Variants in ODF2 observed in about 807,000 individuals in gnomAD.
ODF2 encodes outer dense fiber protein 2.
Under a neutral mutation model 110.2 loss-of-function variants are expected in ODF2, and 47 were observed. That is an observed-to-expected ratio of 0.43 (90% confidence interval 0.34 to 0.54). The LOEUF (loss-of-function observed/expected upper bound fraction) is 0.54. Among genes scored for constraint, ODF2 ranks in the 20% least tolerant of loss-of-function variants. ODF2 has a pLI of 0.03. For missense variants in ODF2, 812 were observed against 1,054.5 expected, an observed-to-expected ratio of 0.77 and a Z score of 3.19; for synonymous variants, 352 against 397.7, an observed-to-expected ratio of 0.89 and a Z score of 1.37.
chr9:128,499,226 T>TAAAACC, intron 20 of ODF2, 100 bp downstream of exon 20: 1 of 1,402,556 alleles, frequency 7.1e-7, no homozygotes, highest in Non-Finnish European at 9.8e-7. Flanking sequence ...TTTTTGTGAA[T>TAAAACC]ATGACATGGT....
intron 17 of ODF2, among the ~76,000 whole-genome samples, chr9:128,495,402 G>A (rs183080241): frequency 1.1e-4 from 17 of 152,328 alleles, no homozygotes; most frequent in Admixed American, 7.2e-4. Flanking sequence ...CCATCACAGA[G>A]CTAGTACCTA....
chr9:128,475,008 A>G (rs1840954620), intron 8 of ODF2, among the ~76,000 whole-genome samples: 1 of 152,272 alleles, frequency 6.6e-6, no homozygotes, highest in Non-Finnish European at 1.5e-5. Context: ...TAGCAAATAT[A>G]GTCGACCCTC....
chr9:128,468,962 G>T, intron 4 of ODF2: 1 of 530,984 alleles, frequency 1.9e-6, no homozygotes, highest in Non-Finnish European at 3.3e-6. Flanking sequence ...TAACATTGTA[G>T]CCCAAGCTTT....
At chr9:128,493,118 C>T (rs900494323) in intron 16 of ODF2, among the ~76,000 whole-genome samples, 1 of 151,800 alleles carries the variant, frequency 6.6e-6, no homozygotes, top group South Asian at 2.1e-4. Flanking sequence ...GGCACGGTCT[C>T]TCACACCTGT....
At position 128,473,606 on chromosome 9, in the gene ODF2, C is replaced by T; in HGVS notation, c.712-4C>T. 1.3e-5 allele frequency: 21 copies of T among 1,613,244 alleles called. No homozygotes were observed. The highest frequency in any genetic ancestry group is 1.7e-5 in the Non-Finnish European group (20 of 1,179,652). ...ATCTGTAAGACTGGCTACTTGTCTT[C>T]CAGGAGAAACAAATGACCTGCACGG... On this transcript the variant is annotated splice_polypyrimidine_tract_variant and splice_region_variant and intron_variant, in intron 7 of 20. Transcript: ENST00000604420.
rs1232203414 is a variant in ODF2, at chr9:128,498,881, C to T, written c.2176-120C>T. On this transcript the variant is annotated intron_variant, in intron 19 of 20. Coordinates refer to ENST00000604420, the Ensembl canonical transcript of ODF2. The stretch of plus-strand genomic sequence containing the variant: ...TCCTGCCCCAGCGTTCTAGAGAACA[C>T]AGTCCACAATGATGTGCAAGTGCTG... The T allele has an allele frequency of 5.2e-5, 69 of 1,330,904 alleles. 1 individual carries two copies. The highest frequency in any genetic ancestry group is 2.2e-4 in the Middle Eastern group (1 of 4,622). 82.4% of individuals were successfully genotyped at this position (1,330,904 alleles called of 1,614,324 possible).
At chr9:128,469,591 T>A in intron 5 of ODF2, 1 of 523,850 alleles carries the variant, frequency 1.9e-6, no homozygotes. Flanking sequence ...ACATGGGTGG[T>A]CCAATTTGAA....
In ODF2 at chr9:128,477,698, C is replaced by T. The variant is rs1242966421; in HGVS notation, c.844-3882C>T. 2.2e-4 allele frequency among the ~76,000 whole-genome samples: 34 copies of T among 151,502 alleles called. No homozygotes were observed. The South Asian group carries it at 5.8e-3, about 26-fold the overall frequency. On this transcript the variant is annotated intron_variant, in intron 8 of 20. Coordinates refer to ENST00000604420, the Ensembl canonical transcript of ODF2. Reference sequence around the variant, plus strand: ...TCAGCTCACTGCAACCTTCCCCTCACGGGTTCAAGAGATTCTCCTGCCTCA... The same window carrying T: ...TCAGCTCACTGCAACCTTCCCCTCATGGGTTCAAGAGATTCTCCTGCCTCA...
rs4268218 is a variant in ODF2, at chr9:128,485,843, G to A, written c.1400+369G>A. Among the ~76,000 whole-genome samples the A allele has an allele frequency of 0.29, 43,368 of 151,946 alleles. 7,249 individuals carry two copies. The highest frequency in any genetic ancestry group is 0.46 in the African/African-American group (18,876 of 41,400). On this transcript the variant is annotated intron_variant, in intron 13 of 20. Transcript: ENST00000604420. The surrounding 1 kb of genome is among the most constrained non-coding windows in gnomAD (Gnocchi z 5.0). The stretch of plus-strand genomic sequence containing the variant: ...TGGGGAATGGGGCAGATGGTGACCC[G>A]AGTGTCTTCTCTCTGTTGTCTGTCC...
At chr9:128,487,907 T>C in exon 14 of ODF2, 1 of 1,614,032 alleles carries the variant, frequency 6.2e-7, no homozygotes, top group Non-Finnish European at 8.5e-7. Flanking sequence ...ACAGATCTTG[T>C]AAACCAACAA....
chr9:128,498,429 A>G (rs1170323318), exon 19 of ODF2: 3 of 1,600,340 alleles, frequency 1.9e-6, no homozygotes, highest in East Asian at 4.5e-5. Flanking sequence ...GGAGGCGACC[A>G]GTGCCCAGAA....
upstream of ODF2, chr9:128,455,993 T>C (rs1834673336): frequency 2.8e-6 from 4 of 1,412,832 alleles, no homozygotes; most frequent in African/African-American, 3.0e-5. Context: ...GGCCCGGAAG[T>C]GGGCGGCCCT....
chr9:128,472,174 G>A (rs1040196982), intron 6 of ODF2, among the ~76,000 whole-genome samples: 10 of 152,060 alleles, frequency 6.6e-5, no homozygotes, highest in Admixed American at 6.6e-4. Context: ...TAGCTACTCT[G>A]GAGGCTGAGG....
chr9:128,477,860 A>G (rs1315336409), intron 8 of ODF2, among the ~76,000 whole-genome samples: 2 of 151,854 alleles, frequency 1.3e-5, no homozygotes, highest in African/African-American at 4.8e-5. Flanking sequence ...CAGCCTCCCA[A>G]AGTGCTGGGA....
At chr9:128,456,746 GC>G in intron 1 of ODF2, 1 of 971,314 alleles carries the variant, frequency 1.0e-6, no homozygotes, top group Non-Finnish European at 1.2e-6. Context: ...GCTTGCCAGG[GC>G]CCTCGCCCGG....
At chr9:128,496,167 G>C (rs1246811903) in intron 18 of ODF2, 26 bp downstream of exon 18, 1 of 1,613,092 alleles carries the variant, frequency 6.2e-7, no homozygotes, top group Non-Finnish European at 8.5e-7. Flanking sequence ...TCCCATCTCT[G>C]TCCTCTTCCT....
chr9:128,459,675 G>A lies in ODF2; in HGVS notation c.123+18G>A, dbSNP rs750507926. On this transcript the variant is annotated intron_variant, in intron 3 of 20. Coordinates refer to ENST00000604420, the Ensembl canonical transcript of ODF2. The stretch of plus-strand genomic sequence containing the variant: ...CTGTGACGGTAGGTGATGCACTCAC[G>A]TAGCAGCCCTCTTTGGTCACCTTGC... 9 of 1,585,860 alleles carry A rather than the reference G, an allele frequency of 5.7e-6. No homozygotes were observed. The highest frequency in any genetic ancestry group is 2.2e-5 in the East Asian group (1 of 44,710).
At position 128,475,981 on chromosome 9, in the gene ODF2, CAT is replaced by C. The variant is rs1356372135; in HGVS notation, c.843+2241_843+2242del. Among the ~76,000 whole-genome samples the C allele has an allele frequency of 6.6e-5, 10 of 152,136 alleles. No homozygotes were observed. In the South Asian group the frequency reaches 1.9e-3, roughly 28 times the overall value. ...TTTAGGTTCCACATATAAATGAAGT[CAT>C]GTGGTCTTTCTGGGCCTAGCTTATT... is the stretch of plus-strand genomic sequence containing the variant. On this transcript the variant is annotated intron_variant, in intron 8 of 20. Transcript: ENST00000604420.
intron 10 of ODF2, among the ~76,000 whole-genome samples, chr9:128,483,580 C>CA (rs146802585): frequency 0.019 from 1,989 of 107,178 alleles, 35 homozygotes; most frequent in African/African-American, 0.054. Context: ...TACCCTGTCT[C>CA]AAAAAAAAAA....
Sources: gnomAD v4.1 joint callset for allele counts (sites outside exome capture counted in the v4.1 genomes callset) on GRCh38, gnomAD v4.1.1 for gene constraint, Gnocchi (gnomAD v3.1) non-coding constraint, MANE v1.5 for transcripts, NCBI Gene and HGNC (gene_info 2026-07-23, HGNC 2026-07-21) for gene names.